The following KHDRBS2 variants were observed in gnomAD, a reference collection of about 807,000 sequenced individuals.
KHDRBS2 encodes KH RNA binding domain containing, signal transduction associated 2.
KHDRBS2 carries 26 observed loss-of-function variants against 44.3 expected under a neutral mutation model. That is an observed-to-expected ratio of 0.59 (90% CI 0.43 to 0.81). The LOEUF (loss-of-function observed/expected upper bound fraction) is 0.81. Ranked by LOEUF, KHDRBS2 falls within the 40% of genes least tolerant of loss-of-function variation. KHDRBS2 has a pLI of 0.00. For synonymous variants in KHDRBS2, 194 were observed against 151.1 expected (o/e 1.28, Z -2.08); for missense variants, 476 against 433.1 (o/e 1.10, Z -0.88).
At chr6:62,168,641 C>A (rs1408110702) in intron 2 of KHDRBS2, among the ~76,000 whole-genome samples, 1 of 152,156 alleles carries the variant, frequency 6.6e-6, no homozygotes, top group African/African-American at 2.4e-5. Flanking sequence ...TTAATCATTT[C>A]TCCAAGGGTA....
At chr6:62,146,624 A>G (rs1814001977) in intron 2 of KHDRBS2, among the ~76,000 whole-genome samples, 1 of 151,862 alleles carries the variant, frequency 6.6e-6, no homozygotes, top group African/African-American at 2.4e-5. Context: ...AAGGTCTCTT[A>G]TCCACAGGGT....
At chr6:62,208,771 A>G (rs1240053782) in intron 1 of KHDRBS2, among the ~76,000 whole-genome samples, 1 of 152,202 alleles carries the variant, frequency 6.6e-6, no homozygotes, top group East Asian at 1.9e-4. Context: ...TATAATAGCC[A>G]TCCTAATGAG....
At chr6:61,690,432 A>G (rs1278650749) in intron 8 of KHDRBS2, among the ~76,000 whole-genome samples, 1 of 152,030 alleles carries the variant, frequency 6.6e-6, no homozygotes, top group East Asian at 1.9e-4. Flanking sequence ...AACTCAGCAG[A>G]AAAGGAAGTG....
At chr6:62,283,527 G>A (rs1842080683) in intron 1 of KHDRBS2, among the ~76,000 whole-genome samples, 1 of 152,106 alleles carries the variant, frequency 6.6e-6, no homozygotes, top group Non-Finnish European at 1.5e-5. Context: ...GCTTGACACT[G>A]TCTGCACAGT....
At chr6:62,106,028 G>A (rs187753610) in intron 2 of KHDRBS2, among the ~76,000 whole-genome samples, 71 of 152,180 alleles carry the variant, frequency 4.7e-4, no homozygotes, top group African/African-American at 1.6e-3. Flanking sequence ...CCTTCATTTC[G>A]TTATGTACCC....
chr6:61,856,129 A>G (rs1796117574), intron 6 of KHDRBS2, among the ~76,000 whole-genome samples: 1 of 151,958 alleles, frequency 6.6e-6, no homozygotes, highest in Non-Finnish European at 1.5e-5. Flanking sequence ...CCCATCTCCC[A>G]GATATTTGAT....
At chr6:62,098,256 T>G (rs1318796885) in intron 2 of KHDRBS2, among the ~76,000 whole-genome samples, 1 of 151,826 alleles carries the variant, frequency 6.6e-6, no homozygotes, top group Admixed American at 6.6e-5. Flanking sequence ...TTTTTTTTTT[T>G]TTTTTGTTAC....
intron 2 of KHDRBS2, among the ~76,000 whole-genome samples, chr6:62,121,857 G>T (rs1043673518): frequency 3.9e-5 from 6 of 152,146 alleles, no homozygotes; most frequent in African/African-American, 1.4e-4. Context: ...AAATTCAGGG[G>T]CCTTCTAGCT....
At chr6:61,560,132 T>C in the KHDRBS2 span, among the ~76,000 whole-genome samples, 5 of 152,164 alleles carry the variant, frequency 3.3e-5, no homozygotes, top group Non-Finnish European at 5.9e-5. Flanking sequence ...CATGCCACTC[T>C]TTCACAGCCT....
intron 2 of KHDRBS2, among the ~76,000 whole-genome samples, chr6:62,137,141 C>A (rs577808858): frequency 1.7e-4 from 26 of 151,772 alleles, no homozygotes; most frequent in Non-Finnish European, 3.7e-4. Context: ...GCTGGGACTA[C>A]AGGCACCCGC....
intron 2 of KHDRBS2, among the ~76,000 whole-genome samples, chr6:62,077,356 A>G (rs1796547679): frequency 6.6e-6 from 1 of 152,030 alleles, no homozygotes; most frequent in Non-Finnish European, 1.5e-5. Context: ...TGCCCTTCCC[A>G]CATCAGCCTT....
intron 2 of KHDRBS2, among the ~76,000 whole-genome samples, chr6:62,070,993 C>T (rs1345816431): frequency 6.6e-6 from 1 of 152,164 alleles, no homozygotes; most frequent in Non-Finnish European, 1.5e-5. Flanking sequence ...ACATCCTCTC[C>T]AGCACCTGTT....
chr6:61,863,549 C>CA (rs1485111968), intron 6 of KHDRBS2, among the ~76,000 whole-genome samples: 1 of 151,998 alleles, frequency 6.6e-6, no homozygotes, highest in Non-Finnish European at 1.5e-5. Flanking sequence ...ATTATTTACC[C>CA]AAAAGTCATT....
chr6:61,570,622 AGTT>A, the KHDRBS2 span, among the ~76,000 whole-genome samples: 1 of 152,154 alleles, frequency 6.6e-6, no homozygotes, highest in Non-Finnish European at 1.5e-5. Context: ...ATAGTCATCA[AGTT>A]ATCTAAAGTC....
chr6:62,208,465 T>G (rs895733589), intron 1 of KHDRBS2, among the ~76,000 whole-genome samples: 2 of 152,140 alleles, frequency 1.3e-5, no homozygotes, highest in Admixed American at 6.5e-5. Context: ...CCACATTTTC[T>G]TTATCTATTT....
chr6:61,851,348 C>T (rs375121574), intron 6 of KHDRBS2, among the ~76,000 whole-genome samples: 1 of 151,738 alleles, frequency 6.6e-6, no homozygotes, highest in East Asian at 1.9e-4. Context: ...AACATAAATT[C>T]AGGCTTTTGG....
rs142215766 is a variant in KHDRBS2, at chr6:62,235,196, A to G, written c.91+50662T>C. Among the ~76,000 whole-genome samples the G allele has an allele frequency of 3.0e-4, 46 of 151,758 alleles. No individual in the cohort carries two copies. The East Asian group carries it at 7.8e-3, about 26-fold the overall frequency. On this transcript the variant is annotated intron_variant, in intron 1 of 8. Coordinates refer to ENST00000281156, the MANE Select transcript of KHDRBS2 (RefSeq NM_152688.4). Reference sequence around the variant, plus strand: ...CAAACACTTAACACACGGGATGGTAAATTGTTCAAGAAATGCTGTTTTATT... The same window carrying G: ...CAAACACTTAACACACGGGATGGTAGATTGTTCAAGAAATGCTGTTTTATT...
At chr6:61,875,212 G>C (rs1393962240) in intron 6 of KHDRBS2, among the ~76,000 whole-genome samples, 1 of 151,798 alleles carries the variant, frequency 6.6e-6, no homozygotes, top group Non-Finnish European at 1.5e-5. Context: ...GAGAGAGAGA[G>C]AGTGGTGTTG....
chr6:61,899,442 A>G (rs1382222079), intron 5 of KHDRBS2, among the ~76,000 whole-genome samples: 1 of 151,850 alleles, frequency 6.6e-6, no homozygotes, highest in Non-Finnish European at 1.5e-5. Flanking sequence ...TTTTCTTTTT[A>G]TGTATATAGT....
Sources: allele counts gnomAD v4.1 joint callset (sites outside exome capture counted in the v4.1 genomes callset), GRCh38; gene constraint gnomAD v4.1.1; transcripts MANE v1.5; gene names NCBI Gene and HGNC (gene_info 2026-07-23, HGNC 2026-07-21).